CFAP91: variants seen among roughly 807,000 people sequenced by gnomAD.
CFAP91 encodes cilia and flagella associated protein 91, also known as cilia- and flagella-associated protein 91.
A neutral mutation model predicts 95.9 loss-of-function variants in CFAP91; 85 were observed. The ratio of observed to expected loss-of-function variants is 0.89; its 90% CI spans 0.74 to 1.06. The LOEUF is 1.06. CFAP91 is among the 50% of genes least tolerant of loss of function. The pLI, the probability that CFAP91 is intolerant of heterozygous loss-of-function variation, is 0.00. For missense variants in CFAP91, 962 were observed against 943.4 expected (o/e 1.02, Z -0.26); for synonymous variants, 335 against 327.5 (o/e 1.02, Z -0.25).
intron 9 of CFAP91, 65 bp downstream of exon 9, chr3:119,732,541 A>G (rs1577222747): frequency 9.1e-7 from 1 of 1,093,764 alleles, no homozygotes; most frequent in South Asian, 1.6e-5. Flanking sequence ...GATTAAATAT[A>G]TAAAATGTAG....
chr3:119,760,993 A>G (rs569679284), intron 17 of CFAP91, among the ~76,000 whole-genome samples: 5 of 151,712 alleles, frequency 3.3e-5, no homozygotes, highest in South Asian at 2.1e-4. Context: ...AATGAAACCC[A>G]AAATTAGTAG....
chr3:119,733,680 T>G (rs1162966425), intron 10 of CFAP91, among the ~76,000 whole-genome samples, 174 bp downstream of exon 10: 1 of 152,206 alleles, frequency 6.6e-6, no homozygotes, highest in Non-Finnish European at 1.5e-5. Flanking sequence ...TCCCCTCATT[T>G]CACATTTCAG....
chr3:119,717,123 C>T (rs1469624694), intron 6 of CFAP91, among the ~76,000 whole-genome samples: 1 of 152,220 alleles, frequency 6.6e-6, no homozygotes, highest in Non-Finnish European at 1.5e-5. Flanking sequence ...CTGTGCATGG[C>T]AGGGAACCAG....
At chr3:119,760,967 TA>T in intron 17 of CFAP91, among the ~76,000 whole-genome samples, 1 of 150,584 alleles carries the variant, frequency 6.6e-6, no homozygotes, top group East Asian at 2.0e-4. Flanking sequence ...CTCAAAGAAC[TA>T]AAAAAAGAAC....
chr3:119,712,390 A>C (rs1299585873), intron 5 of CFAP91, among the ~76,000 whole-genome samples: 1 of 152,198 alleles, frequency 6.6e-6, no homozygotes, highest in Admixed American at 6.5e-5. Context: ...GCCTTATTAT[A>C]AACTAAGCAC....
At chr3:119,740,384 A>G (rs968818592) in intron 12 of CFAP91, among the ~76,000 whole-genome samples, 165 bp from the exon 13 acceptor site, 5 of 152,266 alleles carry the variant, frequency 3.3e-5, no homozygotes, top group Non-Finnish European at 7.3e-5. Flanking sequence ...CACAGAAAAG[A>G]GGGCTGAGCT....
At chr3:119,720,162 G>A (rs536371850) in intron 6 of CFAP91, among the ~76,000 whole-genome samples, 6 of 151,922 alleles carry the variant, frequency 3.9e-5, no homozygotes, top group Non-Finnish European at 8.8e-5. Flanking sequence ...GCTGAGGCAG[G>A]TGGATCACGA....
chr3:119,765,680 T>C lies in CFAP91; in HGVS notation c.*630T>C, dbSNP rs999503408. 5.9e-5 allele frequency: 9 copies of C among 152,238 alleles called. No homozygotes were observed. Among genetic ancestry groups the C allele is most frequent in the South Asian group, 2.1e-4 (1 of 4,834 alleles). 9.4% of individuals were successfully genotyped at this position (152,238 alleles called of 1,614,324 possible). ...TGTGTTCATGCAACAGCCATAGAGA[T>C]GGTGCTATTGAAAGGCAATCTGCCC... On this transcript the variant is annotated 3_prime_UTR_variant, in exon 18 of 18. Coordinates refer to ENST00000273390, the MANE Select transcript of CFAP91 (RefSeq NM_033364.4).
intron 17 of CFAP91, among the ~76,000 whole-genome samples, chr3:119,763,035 G>A (rs1479358550): frequency 6.6e-6 from 1 of 151,936 alleles, no homozygotes; most frequent in African/African-American, 2.4e-5. Flanking sequence ...GAGACAACCT[G>A]CTAAGTGGGA....
At chr3:119,754,396 A>C (rs1486810551) in intron 17 of CFAP91, among the ~76,000 whole-genome samples, 1 of 152,242 alleles carries the variant, frequency 6.6e-6, no homozygotes, top group Non-Finnish European at 1.5e-5. Context: ...ATGTTAAGCA[A>C]AAAGAAATCA....
chr3:119,761,187 T>C (rs2054532122), intron 17 of CFAP91, among the ~76,000 whole-genome samples: 1 of 151,778 alleles, frequency 6.6e-6, no homozygotes, highest in Admixed American at 6.6e-5. Context: ...GAGGAGACAT[T>C]ACAACTGATA....
intron 17 of CFAP91, among the ~76,000 whole-genome samples, chr3:119,762,455 T>A (rs1173835308): frequency 2.6e-5 from 4 of 152,022 alleles, no homozygotes; most frequent in Non-Finnish European, 5.9e-5. Context: ...AAAATTCCAA[T>A]GACATTTTTC....
chr3:119,719,254 C>G (rs762628519), intron 6 of CFAP91, among the ~76,000 whole-genome samples: 1 of 152,116 alleles, frequency 6.6e-6, no homozygotes, highest in Non-Finnish European at 1.5e-5. Context: ...ACTAAATTAA[C>G]GCATTAGGAA....
At chr3:119,722,195 A>AAAAGAAAG (rs1553707014) in intron 6 of CFAP91, among the ~76,000 whole-genome samples, 2 of 149,222 alleles carry the variant, frequency 1.3e-5, no homozygotes, top group African/African-American at 5.0e-5. Flanking sequence ...AAAAAAAAAA[A>AAAAGAAAG]GGAAGAAGAT....
At chr3:119,710,578 C>A (rs1438895500) in intron 5 of CFAP91, among the ~76,000 whole-genome samples, 1 of 152,200 alleles carries the variant, frequency 6.6e-6, no homozygotes. Flanking sequence ...GACACATATT[C>A]AAATTGTAGC....
intron 14 of CFAP91, among the ~76,000 whole-genome samples, chr3:119,745,784 G>C (rs750863929): frequency 1.4e-4 from 21 of 152,172 alleles, no homozygotes; most frequent in Admixed American, 1.2e-3. Flanking sequence ...TTAGTTGTTT[G>C]GTTGATACTG....
chr3:119,728,770 A>T (rs2053835311), intron 7 of CFAP91, among the ~76,000 whole-genome samples: 1 of 152,180 alleles, frequency 6.6e-6, no homozygotes, highest in South Asian at 2.1e-4. Context: ...TCAATGTAGC[A>T]AATCCCAACC....
At chr3:119,715,514 A>C (rs756723844) in intron 5 of CFAP91, 48 bp from the exon 6 acceptor site, 9 of 1,436,172 alleles carry the variant, frequency 6.3e-6, no homozygotes, top group Non-Finnish European at 8.8e-6. Flanking sequence ...ATAATATTTT[A>C]AGTGACCATA....
chr3:119,751,169 G>A, intron 17 of CFAP91, 71 bp downstream of exon 17: 11 of 1,479,942 alleles, frequency 7.4e-6, no homozygotes, highest in Non-Finnish European at 1.0e-5. Flanking sequence ...GCTTTGTGCT[G>A]TGCTCAAACA....
Sources: gnomAD v4.1 joint callset for allele counts (sites outside exome capture counted in the v4.1 genomes callset) on GRCh38, gnomAD v4.1.1 for gene constraint, MANE v1.5 for transcripts, NCBI Gene and HGNC (gene_info 2026-07-23, HGNC 2026-07-21) for gene names.